Variants in DMD observed in about 807,000 individuals in gnomAD.
The protein encoded by DMD is mutant dystrophin.
In DMD, 63 loss-of-function variants were observed where a neutral mutation model predicts 330.1. The observed-to-expected ratio is 0.19, with a 90% CI of 0.16 to 0.24. The LOEUF is 0.24. Ranked by LOEUF, DMD falls within the 10% of genes least tolerant of loss-of-function variation. DMD has a pLI of 1.00. For missense variants in DMD, 3,344 were observed against 2,684.1 expected, an observed-to-expected ratio of 1.25 and a Z score of -5.43; for synonymous variants, 1,223 against 959.8, an observed-to-expected ratio of 1.27 and a Z score of -5.07.
intron 7 of DMD, among the ~76,000 whole-genome samples, chrX:32,779,575 G>A (rs1409643313): frequency 9.2e-6 from 1 of 108,450 alleles, no homozygotes; most frequent in Non-Finnish European, 1.9e-5. Context: ...CCACCTATGA[G>A]TGAGAACATG....
chrX:32,759,845 G>C lies in DMD; in HGVS notation c.649+49648C>G, dbSNP rs1489584133. ...TTAAGGCAGATGCAGGTTTTTCTTG[G>C]GGGGGGGGGGGGGGCGGGGGAAGAC... is the stretch of plus-strand genomic sequence containing the variant. On this transcript the variant is annotated intron_variant, in intron 7 of 78. Coordinates refer to ENST00000357033, the MANE Select transcript of DMD (RefSeq NM_004006.3). Among the ~76,000 whole-genome samples the C allele has an allele frequency of 9.8e-3, 26 of 2,653 alleles. 1 individual carries two copies. Among genetic ancestry groups the C allele is most frequent in the African/African-American group, 0.018 (24 of 1,329 alleles). 2.3% of individuals were successfully genotyped at this position (2,653 alleles called of 115,157 possible). A position where few individuals can be genotyped will look rare whatever the true frequency, so the allele number is the denominator to read the frequency against.
At chrX:31,657,348 A>C (rs777895228) in intron 54 of DMD, among the ~76,000 whole-genome samples, 1 of 112,378 alleles carries the variant, frequency 8.9e-6, no homozygotes, top group South Asian at 3.7e-4. Flanking sequence ...AATTTAAAGG[A>C]CAAATATTTA....
At chrX:32,719,154 G>C (rs1265213496) in intron 7 of DMD, among the ~76,000 whole-genome samples, 1 of 111,825 alleles carries the variant, frequency 8.9e-6, no homozygotes, top group Non-Finnish European at 1.9e-5. Flanking sequence ...GATTATCATA[G>C]CAGTGTTCCT....
rs778084461 is a variant in DMD, at chrX:32,033,673, G to GAAAGAAAGA, written c.6439-65160_6439-65159insTCTTTCTTT. Reference sequence around the variant, plus strand: ...AGAAAGAAGAAAGAAAGAAAGAAAGGAAGGAAAGAAAGAAAGAGAAAGAAA... The same window carrying GAAAGAAAGA: ...AGAAAGAAGAAAGAAAGAAAGAAAGGAAAGAAAGAAAGGAAAGAAAGAAAGAGAAAGAAA... On this transcript the variant is annotated intron_variant, in intron 44 of 78. Coordinates refer to ENST00000357033, the MANE Select transcript of DMD (RefSeq NM_004006.3). Among the ~76,000 whole-genome samples, 22 of 81,001 alleles carry GAAAGAAAGA rather than the reference G, an allele frequency of 2.7e-4. 1 individual carries two copies. Among genetic ancestry groups the GAAAGAAAGA allele is most frequent in the Non-Finnish European group, 5.0e-4 (21 of 41,704 alleles). The allele number at this position is 81,001 out of a possible 115,157, so 70.3% of individuals were successfully genotyped here.
At position 32,595,895 on chromosome X, in the gene DMD, T is replaced by A. The variant is rs1242455383; in HGVS notation, c.1483-19A>T. 8.7e-7 allele frequency: 1 copy of A among 1,152,132 alleles called. No homozygotes were observed. Among genetic ancestry groups the A allele is most frequent in the East Asian group, 3.0e-5 (1 of 33,447 alleles). The allele number at this position is 1,152,132 out of a possible 1,213,427, so 94.9% of individuals were successfully genotyped here. A position where few individuals can be genotyped will look rare whatever the true frequency, so the allele number is the denominator to read the frequency against. On this transcript the variant is annotated intron_variant, in intron 12 of 78. Coordinates refer to ENST00000357033, the MANE Select transcript of DMD (RefSeq NM_004006.3). ...GAAGCACCTGAAAGATAAAATGTTT[T>A]AAAGGAAATTAAAATGATATTCTTA...
At chrX:32,406,996 A>G (rs1187980111) in intron 30 of DMD, among the ~76,000 whole-genome samples, 1 of 111,798 alleles carries the variant, frequency 8.9e-6, no homozygotes, top group East Asian at 2.8e-4. Flanking sequence ...AAAGACTTAC[A>G]TGTTAGACTT....
At position 31,421,976 on chromosome X, in the gene DMD, CATATATATATGTATATAT is replaced by C. The variant is rs1569540468; in HGVS notation, c.9084+22487_9084+22504del. The stretch of plus-strand genomic sequence containing the variant: ...ATATATATACACATATATATATACA[CATATATATATGTATATAT>C]ACACACACATATATATATATATAAA... On this transcript the variant is annotated intron_variant, in intron 60 of 78. Coordinates refer to ENST00000357033, the MANE Select transcript of DMD (RefSeq NM_004006.3). Among the ~76,000 whole-genome samples, 542 of 67,791 alleles carry C rather than the reference CATATATATATGTATATAT, an allele frequency of 8.0e-3. 12 individuals carry two copies. Among genetic ancestry groups the C allele is most frequent in the African/African-American group, 0.043 (458 of 10,621 alleles). The allele number at this position is 67,791 out of a possible 115,157, so 58.9% of individuals were successfully genotyped here. A position where few individuals can be genotyped will look rare whatever the true frequency, so the allele number is the denominator to read the frequency against.
At chrX:32,554,121 G>A (rs1569187649) in intron 16 of DMD, among the ~76,000 whole-genome samples, 1 of 111,964 alleles carries the variant, frequency 8.9e-6, no homozygotes, top group African/African-American at 3.2e-5. Context: ...AGAATCTCTG[G>A]GACGCAGCTA....
chrX:32,364,876 T>A, intron 35 of DMD, 144 bp downstream of exon 35: 1 of 722,587 alleles, frequency 1.4e-6, no homozygotes, highest in Non-Finnish European at 2.0e-6. Flanking sequence ...AAAAATATAT[T>A]AAAATATTGT....
intron 9 of DMD, among the ~76,000 whole-genome samples, chrX:32,661,527 C>T (rs1482531443): frequency 9.0e-6 from 1 of 111,238 alleles, no homozygotes; most frequent in Non-Finnish European, 1.9e-5. Flanking sequence ...TTTGTAATAA[C>T]TCAAGGGGAA....
At chrX:32,826,193 T>A (rs1279063817) in intron 4 of DMD, among the ~76,000 whole-genome samples, 1 of 111,772 alleles carries the variant, frequency 8.9e-6, no homozygotes, top group Non-Finnish European at 1.9e-5. Flanking sequence ...AAAGGTAAGT[T>A]GTGGCAAAGA....
At chrX:31,888,419 C>T (rs770770794) in intron 47 of DMD, among the ~76,000 whole-genome samples, 23 of 111,525 alleles carry the variant, frequency 2.1e-4, no homozygotes, top group Non-Finnish European at 3.0e-4. Flanking sequence ...TAAATAACAG[C>T]GCACTCTGAA....
chrX:32,273,679 C>A (rs1372879637), intron 43 of DMD, among the ~76,000 whole-genome samples: 1 of 111,093 alleles, frequency 9.0e-6, no homozygotes, highest in Non-Finnish European at 1.9e-5. Context: ...TGGTATGCAC[C>A]CTTTGACCCT....
At chrX:31,178,927 C>T in intron 69 of DMD, 122 bp from the exon 70 acceptor site, 1 of 909,874 alleles carries the variant, frequency 1.1e-6, no homozygotes, top group Non-Finnish European at 1.5e-6. Context: ...TGGTTGTGAG[C>T]AAAGGCTTTG....
chrX:32,325,641 T>A (rs1303948271), intron 41 of DMD, among the ~76,000 whole-genome samples: 1 of 111,643 alleles, frequency 9.0e-6, no homozygotes, highest in East Asian at 2.8e-4. Context: ...AGAAGAGTCG[T>A]GGCAAAGACT....
chrX:32,071,681 CA>C (rs748101181), intron 44 of DMD, among the ~76,000 whole-genome samples: 1,770 of 109,502 alleles, frequency 0.016, 35 homozygotes, highest in African/African-American at 0.055. Flanking sequence ...TCAGAAATAT[CA>C]AAAAAAAGAA....
At chrX:31,508,866 A>G (rs766025361) in intron 55 of DMD, among the ~76,000 whole-genome samples, 1 of 111,850 alleles carries the variant, frequency 8.9e-6, no homozygotes, top group African/African-American at 3.2e-5. Context: ...CATGTTAGAA[A>G]TTCTGAAGAA....
rs182787234 is a variant in DMD, at chrX:31,805,126, T to G, written c.7309+14849A>C. On this transcript the variant is annotated intron_variant, in intron 50 of 78. Coordinates refer to ENST00000357033, the MANE Select transcript of DMD (RefSeq NM_004006.3). ...AAGGATACAAATGAGTAACCTACAG[T>G]TAAAGAAGGAACTGCACCAGTTAAG... is the stretch of plus-strand genomic sequence containing the variant. Among the ~76,000 whole-genome samples the G allele has an allele frequency of 2.6e-3, 288 of 111,741 alleles. 2 individuals are homozygous for G. Among genetic ancestry groups the G allele is most frequent in the African/African-American group, 8.9e-3 (273 of 30,766 alleles).
intron 55 of DMD, among the ~76,000 whole-genome samples, chrX:31,555,599 C>T (rs1337860039): frequency 8.9e-6 from 1 of 111,783 alleles, no homozygotes; most frequent in Non-Finnish European, 1.9e-5. Flanking sequence ...AGTCATCAGG[C>T]TATTTTGGCA....
Sources: gnomAD v4.1 joint callset for allele counts (sites outside exome capture counted in the v4.1 genomes callset) on GRCh38, gnomAD v4.1.1 for gene constraint, MANE v1.5 for transcripts, NCBI Gene and HGNC (gene_info 2026-07-23, HGNC 2026-07-21) for gene names.